DNAH14: variants seen among roughly 807,000 people sequenced by gnomAD.
The protein encoded by DNAH14 is dynein axonemal heavy chain 14.
DNAH14 carries 478 observed loss-of-function variants against 520.9 expected under a neutral mutation model. The ratio of observed to expected loss-of-function variants is 0.92; its 90% CI spans 0.85 to 0.99. DNAH14 has a LOEUF of 0.99. DNAH14 is among the 50% of genes least tolerant of loss of function. DNAH14 has a pLI of 0.00. For missense variants in DNAH14, 4,831 were observed against 5,234.5 expected (o/e 0.92, Z 2.38); for synonymous variants, 1,581 against 1,757.2 (o/e 0.90, Z 2.51).
chr1:225,388,341 AG>A, intron 81 of DNAH14, 37 bp from the exon 82 acceptor site: 1 of 1,339,822 alleles, frequency 7.5e-7, no homozygotes, highest in Non-Finnish European at 1.0e-6. Flanking sequence ...CCAAAGACAA[AG>A]AAAAAAAATG....
chr1:225,150,110 G>A (rs1258438268), intron 31 of DNAH14, among the ~76,000 whole-genome samples: 1 of 152,090 alleles, frequency 6.6e-6, no homozygotes, highest in Admixed American at 6.6e-5. Flanking sequence ...TAACATGAAG[G>A]ATGTTGAATT....
chr1:224,940,396 T>C (rs1390803285), intron 1 of DNAH14, among the ~76,000 whole-genome samples: 1 of 152,204 alleles, frequency 6.6e-6, no homozygotes, highest in Non-Finnish European at 1.5e-5. Context: ...TCCATGTATA[T>C]CAATCAATTA....
intron 41 of DNAH14, among the ~76,000 whole-genome samples, chr1:225,209,055 C>G (rs1024332065): frequency 1.3e-5 from 2 of 152,148 alleles, no homozygotes; most frequent in Non-Finnish European, 2.9e-5. Flanking sequence ...AAATTCCTGA[C>G]TGATAATTTC....
At chr1:225,316,480 T>C (rs1393858782) in intron 60 of DNAH14, among the ~76,000 whole-genome samples, 1 of 152,146 alleles carries the variant, frequency 6.6e-6, no homozygotes, top group Non-Finnish European at 1.5e-5. Flanking sequence ...GCTCTTGTGG[T>C]GTAGGCACCT....
At chr1:225,073,594 G>A (rs2148507507) in intron 17 of DNAH14, among the ~76,000 whole-genome samples, 1 of 152,360 alleles carries the variant, frequency 6.6e-6, no homozygotes, top group African/African-American at 2.4e-5. Flanking sequence ...AGCAAAGATG[G>A]CGGCCCGCTC....
intron 1 of DNAH14, among the ~76,000 whole-genome samples, chr1:224,946,124 G>A (rs7527885): frequency 6.6e-6 from 1 of 152,170 alleles, no homozygotes; most frequent in East Asian, 1.9e-4. Flanking sequence ...CCCTCTTTGA[G>A]CTGTGGTGGG....
At chr1:224,944,088 A>G (rs1453280449) in intron 1 of DNAH14, among the ~76,000 whole-genome samples, 1 of 152,158 alleles carries the variant, frequency 6.6e-6, no homozygotes, top group Non-Finnish European at 1.5e-5. Flanking sequence ...TAATGTTGAC[A>G]GTGGGGTGTT....
chr1:225,240,283 CAT>C (rs1272416398), intron 42 of DNAH14, among the ~76,000 whole-genome samples: 4 of 149,380 alleles, frequency 2.7e-5, no homozygotes, highest in African/African-American at 9.8e-5. Context: ...ACATACTAAA[CAT>C]ATATTAAAGT....
chr1:224,999,865 C>A (rs1237105614), intron 8 of DNAH14, among the ~76,000 whole-genome samples: 2 of 151,886 alleles, frequency 1.3e-5, no homozygotes, highest in Admixed American at 6.6e-5. Context: ...AATATATTGT[C>A]TTAAATAGTT....
intron 10 of DNAH14, among the ~76,000 whole-genome samples, chr1:225,015,418 A>G (rs2065131717): frequency 6.6e-6 from 1 of 152,072 alleles, no homozygotes. Flanking sequence ...TTCCGTAGTG[A>G]TAAGGTTTGA....
chr1:225,373,506 G>T (rs2095645977), intron 77 of DNAH14, among the ~76,000 whole-genome samples: 1 of 152,000 alleles, frequency 6.6e-6, no homozygotes, highest in Non-Finnish European at 1.5e-5. Context: ...GATAGGAAGA[G>T]GGAGGCGGAG....
At chr1:225,350,370 A>G (rs955831847) in intron 71 of DNAH14, among the ~76,000 whole-genome samples, 3 of 152,108 alleles carry the variant, frequency 2.0e-5, no homozygotes, top group Non-Finnish European at 4.4e-5. Context: ...GAAAAACAAC[A>G]TATTAAACCC....
intron 11 of DNAH14, among the ~76,000 whole-genome samples, chr1:225,026,969 T>C (rs980312215): frequency 4.0e-3 from 26 of 6,544 alleles, no homozygotes; most frequent in African/African-American, 4.7e-3. Flanking sequence ...AATCATGCAT[T>C]TTTTTTGGTA....
At chr1:225,382,914 A>G (rs911558572) in intron 81 of DNAH14, among the ~76,000 whole-genome samples, 6 of 152,232 alleles carry the variant, frequency 3.9e-5, no homozygotes, top group African/African-American at 1.4e-4. Context: ...TAAACCTTGA[A>G]AACAGTAGTT....
chr1:225,096,714 A>G lies in DNAH14; in HGVS notation c.3574-404A>G, dbSNP rs1170434867. 2.0e-5 allele frequency among the ~76,000 whole-genome samples: 3 copies of G among 152,176 alleles called. No homozygotes were observed. The East Asian group carries it at 5.8e-4, about 29-fold the overall frequency. On this transcript the variant is annotated intron_variant, in intron 21 of 85. Coordinates refer to ENST00000682510, the MANE Select transcript of DNAH14 (RefSeq NM_001367479.1). ...TATATTTATGTAATACATTAAGGATATTATATGTGCATCTATATGTGAAAT... is the reference window on the plus strand; with the variant it reads ...TATATTTATGTAATACATTAAGGATGTTATATGTGCATCTATATGTGAAAT...
At chr1:225,011,386 A>G (rs761518827) in intron 10 of DNAH14, among the ~76,000 whole-genome samples, 2 of 151,452 alleles carry the variant, frequency 1.3e-5, no homozygotes, top group Non-Finnish European at 3.0e-5. Context: ...CAAGTACTAT[A>G]TGGTGCTGAG....
chr1:225,033,713 TTTTCTA>T (rs946462181), intron 11 of DNAH14, among the ~76,000 whole-genome samples: 8 of 152,128 alleles, frequency 5.3e-5, no homozygotes, highest in Non-Finnish European at 8.8e-5. Flanking sequence ...CATGGGATGT[TTTTCTA>T]TTTCTCTGTG....
chr1:225,175,701 CTTTTTT>C (rs35341695), intron 36 of DNAH14, among the ~76,000 whole-genome samples: 5 of 109,224 alleles, frequency 4.6e-5, no homozygotes, highest in African/African-American at 1.5e-4. Context: ...TATTTTGGAT[CTTTTTT>C]TTTTTTTTTT....
intron 46 of DNAH14, among the ~76,000 whole-genome samples, chr1:225,263,124 G>A (rs2092993611): frequency 6.6e-6 from 1 of 151,486 alleles, no homozygotes; most frequent in Non-Finnish European, 1.5e-5. Flanking sequence ...ATAAGAAGAT[G>A]GAATTGTGGA....
Sources: gnomAD v4.1 joint callset for allele counts (sites outside exome capture counted in the v4.1 genomes callset) on GRCh38, gnomAD v4.1.1 for gene constraint, MANE v1.5 for transcripts, NCBI Gene and HGNC (gene_info 2026-07-23, HGNC 2026-07-21) for gene names.